The following PLXNA1 variants were observed in gnomAD, a reference collection of about 807,000 sequenced individuals.
PLXNA1 encodes plexin-A1.
A neutral mutation model predicts 191.7 loss-of-function variants in PLXNA1; 77 were observed. That is an observed-to-expected ratio of 0.40 (90% confidence interval 0.33 to 0.49). The LOEUF is 0.49. Among genes scored for constraint, PLXNA1 ranks in the 20% least tolerant of loss-of-function variants. The probability of loss-of-function intolerance (pLI) is 0.63; values close to 1 mark genes in which losing one functional copy is unlikely to be tolerated. For synonymous variants in PLXNA1, 1,137 were observed against 1,156.4 expected (o/e 0.98, Z 0.34); for missense variants, 2,110 against 2,660.2 (o/e 0.79, Z 4.55).
intron 1 of PLXNA1, among the ~76,000 whole-genome samples, chr3:126,984,964 G>A (rs1026302262): frequency 8.5e-5 from 13 of 152,168 alleles, no homozygotes; most frequent in Non-Finnish European, 7.4e-5. Flanking sequence ...AGAACCACTG[G>A]GACCACCTCC....
At chr3:127,003,511 G>T in intron 4 of PLXNA1, 41 bp downstream of exon 4, 2 of 1,551,420 alleles carry the variant, frequency 1.3e-6, no homozygotes, top group East Asian at 2.3e-5. Context: ...TGAAGGTGGG[G>T]GCCCTCCTAC....
In PLXNA1 at chr3:127,007,854, G is replaced by A. The variant is rs767000075; in HGVS notation, c.2053G>A (p.Val685Met). Residue 685 changes from valine (V) to methionine (M), a missense_variant, in exon 9 of 32, where the codon GTG (valine) becomes ATG (methionine). By Grantham distance (21) the Val-to-Met change is conservative. Transcript: ENST00000393409. ...CTGCCACTGGTGCAAATACCGCCAC[G>A]TGTGCACACACAACGTGGCTGACTG... is the stretch of plus-strand genomic sequence containing the variant. ...FPCHWCKYRH[V>M]CTHNVADCAF... The A allele has an allele frequency of 4.5e-5, 72 of 1,612,960 alleles. No homozygotes were observed. The highest frequency in any genetic ancestry group is 5.6e-5 in the Non-Finnish European group (66 of 1,179,596).
intron 26 of PLXNA1, 119 bp downstream of exon 26, chr3:127,029,215 G>A: frequency 2.3e-6 from 2 of 877,884 alleles, no homozygotes; most frequent in South Asian, 3.1e-5. Flanking sequence ...AGGGAGAGGA[G>A]GGGAGGTGGT....
At chr3:127,024,767 G>A (rs909798310) in intron 23 of PLXNA1, among the ~76,000 whole-genome samples, 2 of 152,156 alleles carry the variant, frequency 1.3e-5, no homozygotes, top group African/African-American at 2.4e-5. Flanking sequence ...GCTGAGAGGC[G>A]CAGACAGACA....
chr3:126,996,868 A>C (rs1225268789), intron 3 of PLXNA1, among the ~76,000 whole-genome samples: 1 of 152,136 alleles, frequency 6.6e-6, no homozygotes, highest in Non-Finnish European at 1.5e-5. Context: ...AGCCTGCAGG[A>C]GGGTCCTGTG....
At position 127,034,259 on chromosome 3, in the gene PLXNA1, T is replaced by G. The variant is rs2079228366; in HGVS notation, c.*242T>G. ...GCTTGCTCAGGGGCCGGGACAGCAC[T>G]GGGTGCTCAGGCTGGCCAAGGACCT... On this transcript the variant is annotated 3_prime_UTR_variant, in exon 32 of 32. Coordinates refer to ENST00000393409, the MANE Select transcript of PLXNA1 (RefSeq NM_032242.4). 2.2e-6 allele frequency: 1 copy of G among 454,462 alleles called. No homozygotes were observed. The highest frequency in any genetic ancestry group is 2.0e-5 in the African/African-American group (1 of 51,194). 28.2% of individuals were successfully genotyped at this position (454,462 alleles called of 1,614,324 possible).
chr3:127,014,206 T>C lies in PLXNA1; in HGVS notation c.2435T>C (p.Leu812Pro), dbSNP rs1311907227. Residue 812 changes from leucine to proline, a missense_variant, in exon 12 of 32, where the codon CTG becomes CCG. Leu to Pro is a moderately conservative substitution (Grantham distance 98, BLOSUM62 -3). This residue lies in a region of PLXNA1 where 644 missense variants were observed against 714.3 expected (regional missense o/e 0.90). Transcript: ENST00000393409. ...IQAHLYKCPA[L>P]RESCGLCLKA... ...GCGCACCTCTACAAGTGCCCGGCCC[T>C]GCGCGAGAGCTGCGGCCTCTGCCTC... 2.5e-6 allele frequency: 4 copies of C among 1,608,652 alleles called. No individual in the cohort carries two copies. The highest frequency in any genetic ancestry group is 1.6e-4 in the Middle Eastern group (1 of 6,074).
intron 29 of PLXNA1, 124 bp downstream of exon 29, chr3:127,030,536 G>GC (rs747458931): frequency 2.0e-4 from 240 of 1,200,464 alleles, no homozygotes; most frequent in Non-Finnish European, 2.6e-4. Flanking sequence ...ACACAACCCA[G>GC]CAGGGGCATG....
At chr3:127,006,641 C>T (rs1393706569) in intron 8 of PLXNA1, among the ~76,000 whole-genome samples, 2 of 152,154 alleles carry the variant, frequency 1.3e-5, no homozygotes, top group African/African-American at 4.8e-5. Flanking sequence ...GGCCCAGACA[C>T]GGCCCCTGGG....
In PLXNA1 at chr3:127,022,995, G is replaced by C. The variant is rs769363194; in HGVS notation, c.4362+177G>C. 9.8e-5 allele frequency among the ~76,000 whole-genome samples: 15 copies of C among 152,294 alleles called. 1 individual carries two copies. Among genetic ancestry groups the C allele is most frequent in the Admixed American group, 5.2e-4 (8 of 15,300 alleles). On this transcript the variant is annotated intron_variant, in intron 23 of 31. Transcript: ENST00000393409. ...CAGCCGCTCTCAGCTCCTGGCTCCC[G>C]GCTCCCTCCTCCCTCCTTCTGAGGC...
rs781644194 is a variant in PLXNA1, at chr3:127,028,178, C to T, written c.4510-3C>T. ...CTGCCCCCTTGCTCCACCCCGCCCG[C>T]AGACCCTGAACTGTGTGAACCCTGA... is the stretch of plus-strand genomic sequence containing the variant. On this transcript the variant is annotated splice_region_variant and splice_polypyrimidine_tract_variant and intron_variant, in intron 24 of 31. Transcript: ENST00000393409. The T allele has an allele frequency of 1.9e-6, 3 of 1,613,158 alleles. No homozygotes were observed. Among genetic ancestry groups the T allele is most frequent in the East Asian group, 2.2e-5 (1 of 44,880 alleles).
Position 127,016,511 on chromosome 3 carries a change from C to A in PLXNA1, c.3015-6C>A. On this transcript the variant is annotated splice_region_variant and splice_polypyrimidine_tract_variant and intron_variant, in intron 15 of 31. Transcript: ENST00000393409. ...GCTCCTCACTGTCCCACTCGGGCAC[C>A]TCCAGGAGGAACTCCCGTGAGATCC... 1 of 1,613,444 alleles carries A rather than the reference C, an allele frequency of 6.2e-7. No individual in the cohort carries two copies. Among genetic ancestry groups the A allele is most frequent in the East Asian group, 2.2e-5 (1 of 44,882 alleles).
intron 21 of PLXNA1, 21 bp downstream of exon 21, chr3:127,020,365 G>GGGTCA: frequency 6.2e-7 from 1 of 1,610,138 alleles, no homozygotes; most frequent in South Asian, 1.1e-5. Context: ...TGGCTCCGGG[G>GGGTCA]GGTCACAGGA....
At chr3:127,022,418 A>G in intron 22 of PLXNA1, 77 bp downstream of exon 22, 1 of 1,538,230 alleles carries the variant, frequency 6.5e-7, no homozygotes, top group East Asian at 2.3e-5. Flanking sequence ...TAGCAGGCCC[A>G]GAGACGTTGC....
At chr3:127,013,988 C>G (rs1490389986) in intron 10 of PLXNA1, 32 bp from the exon 11 acceptor site, 1 of 1,599,782 alleles carries the variant, frequency 6.3e-7, no homozygotes, top group East Asian at 2.2e-5. Context: ...GGCCGCTTAG[C>G]TGGGAAGCCT....
intron 9 of PLXNA1, among the ~76,000 whole-genome samples, chr3:127,008,586 C>T (rs1239231451): frequency 6.6e-6 from 1 of 152,166 alleles, no homozygotes; most frequent in Admixed American, 6.5e-5. Flanking sequence ...CCCCCACCCC[C>T]ATCCCCACCG....
chr3:126,988,857 T>C lies in PLXNA1; in HGVS notation c.264T>C (p.Pro88=), dbSNP rs2107620034. The C allele has an allele frequency of 1.2e-6, 2 of 1,613,396 alleles. No homozygotes were observed. The highest frequency in any genetic ancestry group is 1.7e-6 in the Non-Finnish European group (2 of 1,180,000). Residue 88 remains proline (P), a synonymous_variant, in exon 2 of 32, where the codon CCT becomes CCC. Coordinates refer to ENST00000393409, the MANE Select transcript of PLXNA1 (RefSeq NM_032242.4). Reference sequence around the variant, plus strand: ...TGCTGCGGGCCCACGTCACGGGCCCTGTGGAGGACAACGAGAAGTGCTACC... The same window carrying C: ...TGCTGCGGGCCCACGTCACGGGCCCCGTGGAGGACAACGAGAAGTGCTACC... ...LTLLRAHVTG[P]VEDNEKCYPP...
rs556418302 is a variant in PLXNA1, at chr3:127,014,270, C to T, written c.2499C>T (p.Ala833=). 4.4e-5 allele frequency: 71 copies of T among 1,596,378 alleles called. No homozygotes were observed. Among genetic ancestry groups the T allele is most frequent in the Non-Finnish European group, 5.6e-5 (66 of 1,173,964 alleles). Residue 833 remains alanine (A), a synonymous_variant, in exon 12 of 32, where the codon GCC becomes GCT. Coordinates refer to ENST00000393409, the MANE Select transcript of PLXNA1 (RefSeq NM_032242.4). Reference sequence around the variant, plus strand: ...GCTTCGAGTGCGGATGGTGCGTGGCCGAGCGCCGCTGCTCCCTGCGACACC... The same window carrying T: ...GCTTCGAGTGCGGATGGTGCGTGGCTGAGCGCCGCTGCTCCCTGCGACACC... ...DPRFECGWCV[A]ERRCSLRHHC...
intron 10 of PLXNA1, among the ~76,000 whole-genome samples, chr3:127,012,656 A>C (rs1047131759): frequency 6.6e-6 from 1 of 152,264 alleles, no homozygotes; most frequent in Admixed American, 6.5e-5. Context: ...CTTGCACACT[A>C]GCAGACGGTT....
Sources: gnomAD v4.1 joint callset for allele counts (sites outside exome capture counted in the v4.1 genomes callset) on GRCh38, gnomAD v4.1.1 for gene constraint, gnomAD v4.1.1 regional missense constraint, MANE v1.5 for transcripts, NCBI Gene and HGNC (gene_info 2026-07-23, HGNC 2026-07-21) for gene names.